The following FAM184A variants were observed in gnomAD, a reference collection of about 807,000 sequenced individuals.
FAM184A encodes family with sequence similarity 184 member A.
A neutral mutation model predicts 143.8 loss-of-function variants in FAM184A; 99 were observed. That is an observed-to-expected ratio of 0.69 (90% CI 0.58 to 0.81). The LOEUF (loss-of-function observed/expected upper bound fraction) is 0.81. Among genes scored for constraint, FAM184A ranks in the 40% least tolerant of loss-of-function variants. The probability of loss-of-function intolerance (pLI) is 0.00; values close to 1 mark genes in which losing one functional copy is unlikely to be tolerated. For synonymous variants in FAM184A, 427 were observed against 446.4 expected, an observed-to-expected ratio of 0.96 and a Z score of 0.55; for missense variants, 1,217 against 1,310.5, an observed-to-expected ratio of 0.93 and a Z score of 1.10.
intron 1 of FAM184A, among the ~76,000 whole-genome samples, chr6:119,069,778 T>C (rs1787614135): frequency 1.3e-5 from 2 of 152,084 alleles, no homozygotes; most frequent in African/African-American, 4.8e-5. Flanking sequence ...TATGAGAAAG[T>C]GAAAACTTAT....
intron 9 of FAM184A, among the ~76,000 whole-genome samples, chr6:118,991,321 C>A (rs1455339868): frequency 2.0e-5 from 3 of 151,848 alleles, no homozygotes; most frequent in Non-Finnish European, 4.4e-5. Context: ...TGCCACCATG[C>A]CCAGCTAATT....
chr6:119,080,024 A>G (rs768309415), upstream of FAM184A, among the ~76,000 whole-genome samples: 37 of 152,302 alleles, frequency 2.4e-4, no homozygotes, highest in South Asian at 1.0e-3. Flanking sequence ...AATTAAAGAG[A>G]ATTAGAAACT....
rs770780856 is a variant in FAM184A, at chr6:118,960,066, G to A, written c.*37C>T. 6 of 1,525,710 alleles carry A rather than the reference G, an allele frequency of 3.9e-6. No individual in the cohort carries two copies. Among genetic ancestry groups the A allele is most frequent in the Non-Finnish European group, 4.5e-6 (5 of 1,107,084 alleles). 94.5% of individuals were successfully genotyped at this position (1,525,710 alleles called of 1,614,324 possible). A position where few individuals can be genotyped will look rare whatever the true frequency, so the allele number is the denominator to read the frequency against. ...CAATCTGTATAAAGTCATGCTCTTA[G>A]TAACAGTCTATACAGAGCTGTGCCA... On this transcript the variant is annotated 3_prime_UTR_variant, in exon 18 of 18. Transcript: ENST00000338891.
intron 1 of FAM184A, among the ~76,000 whole-genome samples, chr6:119,090,980 T>C (rs1394386914): frequency 6.6e-6 from 1 of 152,202 alleles, no homozygotes; most frequent in African/African-American, 2.4e-5. Flanking sequence ...TTAGCAATAA[T>C]CCTAGATGCT....
intron 1 of FAM184A, among the ~76,000 whole-genome samples, chr6:119,044,951 C>T (rs888277622): frequency 6.6e-6 from 1 of 152,214 alleles, no homozygotes; most frequent in Admixed American, 6.5e-5. Flanking sequence ...CTGTACATTA[C>T]ACAGGTAAAC....
Position 119,039,815 on chromosome 6 carries a change from A to C in FAM184A, c.160-15002T>G, listed in dbSNP as rs138416096. 7.6e-3 allele frequency among the ~76,000 whole-genome samples: 1,163 copies of C among 152,338 alleles called. 8 individuals are homozygous for C. Among genetic ancestry groups the C allele is most frequent in the African/African-American group, 0.027 (1,104 of 41,574 alleles). On this transcript the variant is annotated intron_variant, in intron 1 of 17. Transcript: ENST00000338891. ...ATGGTCCACACCTGTTAACATCAAA[A>C]CGTTAATTGGATGCAGGCCCCAGGG...
At chr6:119,106,996 A>G (rs976231628) in intron 1 of FAM184A, among the ~76,000 whole-genome samples, 1 of 152,226 alleles carries the variant, frequency 6.6e-6, no homozygotes, top group Non-Finnish European at 1.5e-5. Context: ...TCATTTCCTG[A>G]AATGTTTTTG....
At chr6:119,023,554 CG>C (rs5879479) in intron 2 of FAM184A, among the ~76,000 whole-genome samples, 60,483 of 79,866 alleles carry the variant, frequency 0.76, 21,405 homozygotes, top group Non-Finnish European at 0.77. Flanking sequence ...CAATATTGTC[CG>C]CCCCCCCCCC....
chr6:119,114,283 T>C (rs1426573031), intron 1 of FAM184A, among the ~76,000 whole-genome samples: 1 of 152,202 alleles, frequency 6.6e-6, no homozygotes, highest in African/African-American at 2.4e-5. Flanking sequence ...CAGTTAAATT[T>C]GATTTTCAGA....
At chr6:119,130,847 T>A (rs1283812669) in intron 1 of FAM184A, among the ~76,000 whole-genome samples, 1 of 137,284 alleles carries the variant, frequency 7.3e-6, no homozygotes, top group Non-Finnish European at 1.5e-5. Flanking sequence ...CAGAATTGTA[T>A]TTCTTTTTTT....
chr6:119,005,825 T>A, intron 7 of FAM184A: 1 of 421,232 alleles, frequency 2.4e-6, no homozygotes, highest in Non-Finnish European at 4.3e-6. Flanking sequence ...CTGTGCTTCA[T>A]AAGAGTGGAA....
chr6:118,982,148 T>A (rs1784042788), intron 9 of FAM184A, among the ~76,000 whole-genome samples: 1 of 152,162 alleles, frequency 6.6e-6, no homozygotes. Context: ...CACCATTTTA[T>A]GCAATGAAAA....
chr6:119,006,141 T>C (rs751862929), intron 7 of FAM184A: 4 of 765,136 alleles, frequency 5.2e-6, no homozygotes, highest in East Asian at 4.8e-5. Flanking sequence ...GGAAATTATG[T>C]TGCCGAATGC....
At chr6:119,036,063 T>C (rs995699532) in intron 1 of FAM184A, among the ~76,000 whole-genome samples, 1 of 152,194 alleles carries the variant, frequency 6.6e-6, no homozygotes, top group African/African-American at 2.4e-5. Flanking sequence ...GAGTCACTTA[T>C]CTATTTCCTA....
intron 1 of FAM184A, among the ~76,000 whole-genome samples, chr6:119,036,486 T>C (rs192538736): frequency 4.1e-4 from 63 of 152,202 alleles, no homozygotes; most frequent in Middle Eastern, 6.8e-3. Context: ...GGAAATCTTT[T>C]GGAAAATATT....
chr6:118,960,862 A>G (rs778026798), intron 17 of FAM184A: 1 of 1,347,020 alleles, frequency 7.4e-7, no homozygotes, highest in Non-Finnish European at 9.9e-7. Context: ...TCTTACTGAT[A>G]CCTGAACATA....
In FAM184A at chr6:119,104,606, T is replaced by C. The variant is rs145331640; in HGVS notation, c.-202+44472A>G. Reference sequence around the variant, plus strand: ...AATATGATCTTAAGTGTGTAAAGTGTCAAGATGCCACAACTTACCAAGACT... The same window carrying C: ...AATATGATCTTAAGTGTGTAAAGTGCCAAGATGCCACAACTTACCAAGACT... On this transcript the variant is annotated intron_variant, in intron 1 of 16. Transcript: ENST00000352896. Among the ~76,000 whole-genome samples, 4 of 152,310 alleles carry C rather than the reference T, an allele frequency of 2.6e-5. No homozygotes were observed. In the East Asian group the frequency reaches 7.7e-4, roughly 29 times the overall value.
intron 1 of FAM184A, among the ~76,000 whole-genome samples, chr6:119,117,765 C>T (rs1021284223): frequency 6.6e-6 from 1 of 152,174 alleles, no homozygotes; most frequent in East Asian, 1.9e-4. Context: ...CTTGAACCCT[C>T]CTTTTTAGTG....
rs1245638780 is a variant in FAM184A, at chr6:119,024,151, T to G, written c.822A>C (p.Ala274=). ...DTLKRSQLFT[A]ESLQASKEKE... ...TTTCTTTGCTGGCCTGTAGGCTTTC[T>G]GCTGTAAAAAGCTGTGACCTTTTCA... The change falls in exon 2 of 18, where the codon GCA becomes GCC. Residue 274 remains alanine (A), a synonymous_variant. Coordinates refer to ENST00000338891, the MANE Select transcript of FAM184A (RefSeq NM_024581.6). 1 of 1,614,216 alleles carries G rather than the reference T, an allele frequency of 6.2e-7. No individual in the cohort carries two copies. Among genetic ancestry groups the G allele is most frequent in the Non-Finnish European group, 8.5e-7 (1 of 1,180,044 alleles).
Sources: allele counts gnomAD v4.1 joint callset (sites outside exome capture counted in the v4.1 genomes callset), GRCh38; gene constraint gnomAD v4.1.1; transcripts MANE v1.5; gene names NCBI Gene and HGNC (gene_info 2026-07-23, HGNC 2026-07-21).